The following LARGE1 variants were observed in gnomAD, a reference collection of about 807,000 sequenced individuals.
LARGE1 encodes xylosyl- and glucuronyltransferase LARGE1.
LARGE1 carries 43 observed loss-of-function variants against 87.6 expected under a neutral mutation model. That is an observed-to-expected ratio of 0.49 (90% confidence interval 0.38 to 0.63). The LOEUF (loss-of-function observed/expected upper bound fraction) is 0.63. Ranked by LOEUF, LARGE1 falls within the 30% of genes least tolerant of loss-of-function variation. The pLI is 0.00. For missense variants in LARGE1, 802 were observed against 1,000.2 expected (o/e 0.80, Z 2.67); for synonymous variants, 434 against 394.6 (o/e 1.10, Z -1.18).
At chr22:33,132,183 T>C in the LARGE1 span, among the ~76,000 whole-genome samples, 9 of 152,046 alleles carry the variant, frequency 5.9e-5, no homozygotes, top group Admixed American at 2.0e-4. Context: ...TATTTACTTA[T>C]TTATTTATTT....
chr22:33,785,169 AC>A (rs2085586814), intron 1 of LARGE1, among the ~76,000 whole-genome samples: 1 of 150,166 alleles, frequency 6.7e-6, no homozygotes, highest in Non-Finnish European at 1.5e-5. Flanking sequence ...ATATGTGTAT[AC>A]ATACATATGT....
chr22:33,104,883 T>TTCTCTCTC, the LARGE1 span, among the ~76,000 whole-genome samples: 2 of 48,802 alleles, frequency 4.1e-5, no homozygotes, highest in East Asian at 4.2e-4. Flanking sequence ...TCAATAGACT[T>TTCTCTCTC]TCTCTCTCTT....
At chr22:33,265,004 G>A (rs577989534) in intron 11 of LARGE1, among the ~76,000 whole-genome samples, 1 of 145,124 alleles carries the variant, frequency 6.9e-6, no homozygotes, top group East Asian at 2.1e-4. Context: ...AGGTTCAAGT[G>A]ATTCTCCTGC....
At chr22:33,576,017 G>T (rs774036633) in intron 5 of LARGE1, among the ~76,000 whole-genome samples, 5 of 152,162 alleles carry the variant, frequency 3.3e-5, no homozygotes, top group Non-Finnish European at 5.9e-5. Context: ...TGTTACAGTG[G>T]CTTAATTTCC....
In LARGE1 at chr22:33,378,226, T is replaced by C. The variant is rs569413840; in HGVS notation, c.1131+3693A>G. 4.6e-5 allele frequency among the ~76,000 whole-genome samples: 7 copies of C among 152,362 alleles called. 1 individual carries two copies. The East Asian group carries it at 7.7e-4, about 17-fold the overall frequency. On this transcript the variant is annotated intron_variant, in intron 9 of 14. Transcript: ENST00000397394. ...TGCCTGGCAAATTTTTAATTTTTTT[T>C]CTTTCCATTTTTGCTCCCACACATG...
chr22:33,341,369 G>C (rs1453214870), intron 9 of LARGE1, among the ~76,000 whole-genome samples: 1 of 151,972 alleles, frequency 6.6e-6, no homozygotes, highest in Non-Finnish European at 1.5e-5. Flanking sequence ...ACGACACTGA[G>C]GGAAGGAACT....
the LARGE1 span, among the ~76,000 whole-genome samples, chr22:33,133,987 G>T: frequency 5.3e-5 from 8 of 152,148 alleles, no homozygotes; most frequent in Non-Finnish European, 1.0e-4. Flanking sequence ...AAAAAACCAT[G>T]TTCAGGGAGA....
intron 6 of LARGE1, among the ~76,000 whole-genome samples, chr22:33,509,555 A>T (rs2070948201): frequency 6.6e-6 from 1 of 151,940 alleles, no homozygotes. Flanking sequence ...GGCTCAAGTG[A>T]TCCTCCCACC....
rs533243773 is a variant in LARGE1 at position 33,843,007 on chromosome 22, T to TG, written c.-83+76987dup. On this transcript the variant is annotated intron_variant, in intron 1 of 14. Coordinates refer to ENST00000397394, the MANE Select transcript of LARGE1 (RefSeq NM_133642.5). ...AAACAGGGCATCTGTTTTGTTCCTCTGGGGGGGTCCTGTCTATGTTGTTCA... is the reference window on the plus strand; with the variant it reads ...AAACAGGGCATCTGTTTTGTTCCTCTGGGGGGGGTCCTGTCTATGTTGTTCA... 1.7e-3 allele frequency among the ~76,000 whole-genome samples: 262 copies of TG among 152,164 alleles called. 1 individual carries two copies. Among genetic ancestry groups the TG allele is most frequent in the African/African-American group, 5.9e-3 (244 of 41,524 alleles).
intron 1 of LARGE1, among the ~76,000 whole-genome samples, chr22:33,846,186 G>A (rs1236497863): frequency 6.6e-6 from 1 of 152,202 alleles, no homozygotes; most frequent in African/African-American, 2.4e-5. Flanking sequence ...CCCAAACGGA[G>A]GGACCGGCTG....
intron 6 of LARGE1, among the ~76,000 whole-genome samples, chr22:33,450,071 C>T (rs1459469069): frequency 6.6e-6 from 1 of 151,954 alleles, no homozygotes; most frequent in African/African-American, 2.4e-5. Flanking sequence ...GCCACCACGC[C>T]CGGCTAATTT....
intron 1 of LARGE1, among the ~76,000 whole-genome samples, chr22:33,911,030 G>T (rs926675372): frequency 6.6e-6 from 1 of 152,224 alleles, no homozygotes; most frequent in Non-Finnish European, 1.5e-5. Context: ...TGTGAAGTGG[G>T]AGAGTGAGCA....
intron 6 of LARGE1, among the ~76,000 whole-genome samples, chr22:33,510,499 G>A (rs974453575): frequency 6.6e-6 from 1 of 152,186 alleles, no homozygotes; most frequent in Admixed American, 6.5e-5. Context: ...TATCACCTCC[G>A]CTGGTAAGTG....
chr22:33,737,524 C>G (rs2083699156), intron 2 of LARGE1: 1 of 152,188 alleles, frequency 6.6e-6, no homozygotes, highest in African/African-American at 2.4e-5. Flanking sequence ...AAGTCCATAA[C>G]AGCGTTATGA....
At chr22:33,782,172 C>T (rs56077529) in intron 1 of LARGE1, among the ~76,000 whole-genome samples, 23,631 of 152,140 alleles carry the variant, frequency 0.16, 1,905 homozygotes, top group Middle Eastern at 0.26. Context: ...TATCCTCCTC[C>T]TCCTCAAATC....
chr22:33,491,431 T>C (rs924911087), intron 6 of LARGE1, among the ~76,000 whole-genome samples: 13 of 152,138 alleles, frequency 8.5e-5, no homozygotes, highest in Non-Finnish European at 1.9e-4. Context: ...TAAAAGTAGT[T>C]AAAAAAGATG....
At chr22:33,144,944 AAAGCAGAATAGTTTTC>A in the LARGE1 span, among the ~76,000 whole-genome samples, 2 of 152,084 alleles carry the variant, frequency 1.3e-5, no homozygotes, top group Non-Finnish European at 2.9e-5. Flanking sequence ...TGTGTTTGAG[AAAGCAGAATAGTTTTC>A]AAGCAGAATG....
intron 1 of LARGE1, among the ~76,000 whole-genome samples, chr22:33,838,427 C>T (rs914321141): frequency 6.6e-6 from 1 of 152,142 alleles, no homozygotes; most frequent in Non-Finnish European, 1.5e-5. Flanking sequence ...TTCCTTTAGG[C>T]CAAGAGTTTG....
chr22:33,091,961 G>T, the LARGE1 span, among the ~76,000 whole-genome samples: 1 of 152,212 alleles, frequency 6.6e-6, no homozygotes, highest in Admixed American at 6.5e-5. Flanking sequence ...GTGCAGTGGC[G>T]CAGTCTTGGC....
Sources: allele counts gnomAD v4.1 joint callset (sites outside exome capture counted in the v4.1 genomes callset), GRCh38; gene constraint gnomAD v4.1.1; transcripts MANE v1.5; gene names NCBI Gene and HGNC (gene_info 2026-07-23, HGNC 2026-07-21).